Variants in ANO1 observed in about 807,000 individuals in gnomAD.
ANO1 encodes the protein anoctamin 1.
In ANO1, 59 loss-of-function variants were observed where a neutral mutation model predicts 124.0. The ratio of observed to expected loss-of-function variants is 0.48; its 90% CI spans 0.39 to 0.59. The LOEUF is 0.59. Ranked by LOEUF, ANO1 falls within the 20% of genes least tolerant of loss-of-function variation. ANO1 has a pLI of 0.00. For missense variants in ANO1, 1,059 were observed against 1,328.0 expected (o/e 0.80, Z 3.15); for synonymous variants, 529 against 532.0 (o/e 0.99, Z 0.08).
At chr11:69,967,732 A>G in the ANO1 span, among the ~76,000 whole-genome samples, 1 of 152,208 alleles carries the variant, frequency 6.6e-6, no homozygotes, top group South Asian at 2.1e-4. Flanking sequence ...GGGCCACACA[A>G]CTGGTCCGGT....
chr11:70,167,472 A>G, intron 21 of ANO1, 85 bp downstream of exon 21: 1 of 1,503,366 alleles, frequency 6.7e-7, no homozygotes, highest in Non-Finnish European at 8.9e-7. Context: ...CTGCAGGGGC[A>G]TGATGCCCCC....
intron 1 of ANO1, among the ~76,000 whole-genome samples, chr11:69,997,702 T>C (rs1019110801): frequency 2.8e-4 from 43 of 152,334 alleles, no homozygotes; most frequent in African/African-American, 9.9e-4. Flanking sequence ...CATGAATGGT[T>C]TGGCAACCGT....
At chr11:70,153,013 T>G in intron 13 of ANO1, 44 bp from the exon 14 acceptor site, 2 of 1,552,536 alleles carry the variant, frequency 1.3e-6, no homozygotes, top group South Asian at 2.4e-5. Context: ...GAGCTCAGAC[T>G]CAAAATTAAC....
At chr11:69,983,127 T>C (rs1187512733), upstream of ANO1, among the ~76,000 whole-genome samples, 3 of 152,110 alleles carry the variant, frequency 2.0e-5, no homozygotes, top group African/African-American at 7.2e-5. Flanking sequence ...ACCTGCATGA[T>C]GGTGCTGGTG....
At chr11:70,024,101 C>G (rs1856851425) in intron 1 of ANO1, among the ~76,000 whole-genome samples, 1 of 152,234 alleles carries the variant, frequency 6.6e-6, no homozygotes, top group Non-Finnish European at 1.5e-5. Flanking sequence ...CAGGACTACT[C>G]TCTTAGTGTC....
chr11:70,044,292 A>T (rs1483860577), intron 1 of ANO1, among the ~76,000 whole-genome samples: 1 of 152,144 alleles, frequency 6.6e-6, no homozygotes, highest in Non-Finnish European at 1.5e-5. Context: ...ATTATATATC[A>T]AAATGGTAGA....
intron 1 of ANO1, among the ~76,000 whole-genome samples, chr11:70,081,974 G>C (rs928086889): frequency 6.6e-6 from 1 of 152,210 alleles, no homozygotes; most frequent in African/African-American, 2.4e-5. Context: ...TATGCAGAAG[G>C]AAGTCTTCAA....
In ANO1 at chr11:70,013,845, C is replaced by T. The variant is rs184875689; in HGVS notation, c.58+27679C>T. Among the ~76,000 whole-genome samples the T allele has an allele frequency of 5.5e-3, 324 of 59,220 alleles. 1 individual carries two copies. The highest frequency in any genetic ancestry group is 0.017 in the African/African-American group (299 of 17,472). 38.9% of individuals were successfully genotyped at this position (59,220 alleles called of 152,430 possible). ...AAAAGAAAAAGTGTCACTGACTAGGCTTCAACAGCATGAATGTGTTGTCTT... is the reference window on the plus strand; with the variant it reads ...AAAAGAAAAAGTGTCACTGACTAGGTTTCAACAGCATGAATGTGTTGTCTT... On this transcript the variant is annotated intron_variant, in intron 1 of 27. Transcript: ENST00000531349.
intron 11 of ANO1, among the ~76,000 whole-genome samples, chr11:70,144,626 G>A (rs919764826): frequency 5.6e-4 from 85 of 152,198 alleles, no homozygotes; most frequent in Non-Finnish European, 7.3e-5. Context: ...ATCCGCTCCC[G>A]CCAGGCCTGG....
At chr11:69,986,724 TCC>T (rs1554996918) in intron 1 of ANO1, among the ~76,000 whole-genome samples, 1 of 151,994 alleles carries the variant, frequency 6.6e-6, no homozygotes, top group Non-Finnish European at 1.5e-5. Context: ...CCTGACTTCC[TCC>T]CCCCTGGCTG....
rs2047526030 is a variant in ANO1, at chr11:70,149,790, G to A, written c.1339G>A (p.Glu447Lys). The A allele has an allele frequency of 6.2e-7, 1 of 1,613,540 alleles. No homozygotes were observed. The highest frequency in any genetic ancestry group is 2.2e-5 in the East Asian group (1 of 44,864). The change falls in exon 12 of 26, where the codon GAG becomes AAG. Residue 447 changes from glutamate (E) to lysine (K), a missense_variant and splice_region_variant. By Grantham distance (56) the Glu-to-Lys change is moderately conservative. Coordinates refer to ENST00000355303, the MANE Select transcript of ANO1 (RefSeq NM_018043.7). Reference protein sequence around the residue: ...RWDLTGFEEEEEAVKDHPRAE... With the variant: ...RWDLTGFEEEKEAVKDHPRAE... Reference sequence around the variant, plus strand: ...GGACCTCACGGGCTTTGAAGAGGAAGAGGTCAGTGGGTTTGCCGCCGTGCA... The same window carrying A: ...GGACCTCACGGGCTTTGAAGAGGAAAAGGTCAGTGGGTTTGCCGCCGTGCA...
intron 21 of ANO1, among the ~76,000 whole-genome samples, chr11:70,169,571 C>T (rs10898826): frequency 0.64 from 96,949 of 151,610 alleles, 31,145 homozygotes; most frequent in East Asian, 0.75. Context: ...TGCTGAGTGA[C>T]CCACAGCCTC....
At chr11:69,975,765 G>C in the ANO1 span, among the ~76,000 whole-genome samples, 1 of 152,348 alleles carries the variant, frequency 6.6e-6, no homozygotes, top group East Asian at 1.9e-4. Flanking sequence ...AGCGAAACCT[G>C]TCACCACCTG....
chr11:70,161,103 A>G, intron 16 of ANO1, 58 bp from the exon 17 acceptor site: 3 of 1,468,982 alleles, frequency 2.0e-6, no homozygotes, highest in Non-Finnish European at 2.8e-6. Context: ...CAGATGGGGC[A>G]GGCCCAGGAA....
At chr11:70,142,452 G>A (rs907368713) in intron 11 of ANO1, among the ~76,000 whole-genome samples, 3 of 152,236 alleles carry the variant, frequency 2.0e-5, no homozygotes, top group South Asian at 2.1e-4. Flanking sequence ...GACTCAGAGC[G>A]AAAGAGAAGG....
Position 70,142,069 on chromosome 11 carries a change from T to G in ANO1, c.1259-7641T>G, listed in dbSNP as rs552403530. ...CTTCAGCTTGCTGCTGTCTGGAATT[T>G]CTGACATTTGAAAGCCTCAAATAAG... On this transcript the variant is annotated intron_variant, in intron 11 of 25. Coordinates refer to ENST00000355303, the MANE Select transcript of ANO1 (RefSeq NM_018043.7). 2.6e-5 allele frequency among the ~76,000 whole-genome samples: 4 copies of G among 152,348 alleles called. No individual in the cohort carries two copies. The East Asian group carries it at 7.7e-4, about 29-fold the overall frequency.
At chr11:69,976,273 G>T in the ANO1 span, among the ~76,000 whole-genome samples, 1 of 152,192 alleles carries the variant, frequency 6.6e-6, no homozygotes. Flanking sequence ...ACTTTGGGAG[G>T]CCAGGGCGGG....
intron 1 of ANO1, among the ~76,000 whole-genome samples, chr11:70,080,288 G>A (rs555132996): frequency 1.3e-5 from 2 of 152,348 alleles, no homozygotes; most frequent in East Asian, 3.9e-4. Context: ...CCATCAGCTG[G>A]GAGGACAGTT....
intron 1 of ANO1, among the ~76,000 whole-genome samples, chr11:69,988,909 GGGAATGAGGAAGGAA>G (rs1278044201): frequency 1.3e-5 from 2 of 151,690 alleles, no homozygotes; most frequent in South Asian, 2.1e-4. Context: ...GAAGGAGGGA[GGGAATGAGGAAGGAA>G]GGAATGAGGA....
Sources: allele counts gnomAD v4.1 joint callset (sites outside exome capture counted in the v4.1 genomes callset), GRCh38; gene constraint gnomAD v4.1.1; transcripts MANE v1.5; gene names NCBI Gene and HGNC (gene_info 2026-07-23, HGNC 2026-07-21).